Variants in SMCHD1 observed in about 807,000 individuals in gnomAD.
SMCHD1 encodes structural maintenance of chromosomes flexible hinge domain containing 1.
SMCHD1 carries 78 observed loss-of-function variants against 254.7 expected under a neutral mutation model. The observed-to-expected ratio is 0.31, with a 90% CI of 0.26 to 0.37. SMCHD1 has a LOEUF of 0.37. SMCHD1 is among the 10% of genes least tolerant of loss of function. The pLI, the probability that SMCHD1 is intolerant of heterozygous loss-of-function variation, is 1.00. For missense variants in SMCHD1, 1,840 were observed against 2,408.1 expected (o/e 0.76, Z 4.94); for synonymous variants, 766 against 794.9 (o/e 0.96, Z 0.61).
chr18:2,677,073 T>C (rs1283123902), intron 5 of SMCHD1, among the ~76,000 whole-genome samples: 4 of 152,204 alleles, frequency 2.6e-5, no homozygotes. Flanking sequence ...GCTAGTTTTC[T>C]TGTAGAATGG....
At chr18:2,736,601 CTTG>C (rs141472040) in intron 25 of SMCHD1, among the ~76,000 whole-genome samples, 29,469 of 151,990 alleles carry the variant, frequency 0.19, 3,093 homozygotes, top group South Asian at 0.27. Flanking sequence ...GAATAGATAA[CTTG>C]TTAAGAGAAG....
At chr18:2,782,798 C>T (rs300287) in intron 44 of SMCHD1, among the ~76,000 whole-genome samples, 142,356 of 147,368 alleles carry the variant, frequency 0.97, 68,810 homozygotes, top group East Asian at 1. Flanking sequence ...GAAACATTGA[C>T]TGCCTGAATC....
chr18:2,748,384 A>ATGTGTGTATGTGTG, intron 30 of SMCHD1, among the ~76,000 whole-genome samples: 2 of 68,300 alleles, frequency 2.9e-5, no homozygotes, highest in African/African-American at 1.4e-4. Flanking sequence ...GTGTGTGTGT[A>ATGTGTGTATGTGTG]TATAAATTTT....
At chr18:2,711,041 G>A (rs11662533) in intron 17 of SMCHD1, among the ~76,000 whole-genome samples, 44,588 of 151,694 alleles carry the variant, frequency 0.29, 6,785 homozygotes, top group East Asian at 0.5. Flanking sequence ...ATGCGGCACA[G>A]TCGTGGCTTA....
chr18:2,791,762 T>C (rs2076170849), intron 45 of SMCHD1, among the ~76,000 whole-genome samples: 1 of 152,048 alleles, frequency 6.6e-6, no homozygotes, highest in African/African-American at 2.4e-5. Flanking sequence ...GAAGAACAGG[T>C]TGGGAGTCCA....
chr18:2,702,872 T>A (rs148757165), intron 12 of SMCHD1, among the ~76,000 whole-genome samples: 105 of 152,360 alleles, frequency 6.9e-4, no homozygotes, highest in African/African-American at 2.4e-3. Flanking sequence ...TGGAGTTCTG[T>A]AACTTTACAG....
intron 28 of SMCHD1, among the ~76,000 whole-genome samples, chr18:2,741,649 T>C (rs11660424): frequency 3.9e-4 from 60 of 152,314 alleles, no homozygotes; most frequent in South Asian, 1.2e-3. Context: ...TGATAAAATA[T>C]GCTCTTTGAC....
At chr18:2,794,655 A>G (rs1255182976) in intron 45 of SMCHD1, among the ~76,000 whole-genome samples, 1 of 152,218 alleles carries the variant, frequency 6.6e-6, no homozygotes, top group African/African-American at 2.4e-5. Context: ...ATAATGTAAT[A>G]CTTTTTTGGA....
At chr18:2,691,992 T>TA (rs1374223558) in intron 7 of SMCHD1, 1 of 152,262 alleles carries the variant, frequency 6.6e-6, no homozygotes, top group Non-Finnish European at 1.5e-5. Context: ...ACAAAACTTT[T>TA]AAAAAACTTC....
At chr18:2,714,711 C>G (rs575258923) in intron 17 of SMCHD1, among the ~76,000 whole-genome samples, 5 of 151,964 alleles carry the variant, frequency 3.3e-5, no homozygotes, top group African/African-American at 4.8e-5. Context: ...ATGTTTAGAA[C>G]TCCTTTGACT....
chr18:2,721,738 C>T (rs2074932300), intron 19 of SMCHD1, among the ~76,000 whole-genome samples: 2 of 152,180 alleles, frequency 1.3e-5, no homozygotes, highest in South Asian at 4.1e-4. Flanking sequence ...GGTGGTGAAA[C>T]TGCTTCTCTA....
chr18:2,758,164 C>T (rs184287145), intron 34 of SMCHD1, among the ~76,000 whole-genome samples: 15 of 152,192 alleles, frequency 9.9e-5, no homozygotes, highest in African/African-American at 3.1e-4. Context: ...CTTACATATA[C>T]CAATTCACTT....
chr18:2,698,109 A>T, intron 10 of SMCHD1, 68 bp downstream of exon 10: 1 of 1,292,310 alleles, frequency 7.7e-7, no homozygotes, highest in Admixed American at 2.1e-5. Context: ...TTGTTTTTCT[A>T]AATGATTATC....
intron 34 of SMCHD1, among the ~76,000 whole-genome samples, chr18:2,757,960 A>G (rs2143664925): frequency 6.6e-6 from 1 of 152,228 alleles, no homozygotes; most frequent in African/African-American, 2.4e-5. Flanking sequence ...TTTTTGCCTT[A>G]AAGTTTACTT....
chr18:2,676,609 T>C (rs530580988), intron 5 of SMCHD1, among the ~76,000 whole-genome samples: 1 of 152,312 alleles, frequency 6.6e-6, no homozygotes, highest in South Asian at 2.1e-4. Context: ...TTTGGAAATA[T>C]TATTTGTAAC....
intron 41 of SMCHD1, among the ~76,000 whole-genome samples, chr18:2,775,068 A>AT (rs10601895): frequency 0.018 from 1,318 of 73,048 alleles, 76 homozygotes; most frequent in Non-Finnish European, 0.026. Context: ...AAAAGGAACA[A>AT]TTTTTTTTTT....
chr18:2,700,448 T>G, intron 10 of SMCHD1, 91 bp from the exon 11 acceptor site: 1 of 1,363,486 alleles, frequency 7.3e-7, no homozygotes, highest in Non-Finnish European at 9.9e-7. Context: ...TTAGGTTTTA[T>G]AGAATGCAAT....
chr18:2,711,674 G>T (rs1050249803), intron 17 of SMCHD1, among the ~76,000 whole-genome samples: 1 of 151,240 alleles, frequency 6.6e-6, no homozygotes, highest in Admixed American at 6.6e-5. Context: ...AGTAGAGACG[G>T]GGTTTCACCG....
intron 17 of SMCHD1, among the ~76,000 whole-genome samples, chr18:2,709,367 A>C (rs2074615926): frequency 6.6e-6 from 1 of 152,150 alleles, no homozygotes; most frequent in Non-Finnish European, 1.5e-5. Context: ...ATCAGTGTAC[A>C]AATAGTTCTT....
Sources: allele counts gnomAD v4.1 joint callset (sites outside exome capture counted in the v4.1 genomes callset), GRCh38; gene constraint gnomAD v4.1.1; transcripts MANE v1.5; gene names NCBI Gene and HGNC (gene_info 2026-07-23, HGNC 2026-07-21).